FAR2: variants seen among roughly 807,000 people sequenced by gnomAD.
FAR2 encodes epididymis secretory protein Li 81.
FAR2 carries 19 observed loss-of-function variants against 56.0 expected under a neutral mutation model. The ratio of observed to expected loss-of-function variants is 0.34; its 90% CI spans 0.24 to 0.50. The LOEUF (loss-of-function observed/expected upper bound fraction) is 0.50, where lower values mean the gene tolerates loss of function less well. FAR2 is among the 20% of genes least tolerant of loss of function. The probability of loss-of-function intolerance (pLI) is 0.98; values close to 1 mark genes in which losing one functional copy is unlikely to be tolerated. For missense variants in FAR2, 508 were observed against 642.2 expected, an observed-to-expected ratio of 0.79 and a Z score of 2.26; for synonymous variants, 219 against 218.8, an observed-to-expected ratio of 1.00 and a Z score of -0.01.
chr12:29,286,402 A>G (rs1463607829), intron 2 of FAR2, among the ~76,000 whole-genome samples: 3 of 152,140 alleles, frequency 2.0e-5, no homozygotes, highest in African/African-American at 7.2e-5. Flanking sequence ...CCCCTAGGAA[A>G]TTTCTTCCTC....
chr12:29,160,747 C>T (rs922867866), intron 1 of FAR2, among the ~76,000 whole-genome samples: 11 of 152,072 alleles, frequency 7.2e-5, no homozygotes, highest in Admixed American at 3.3e-4. Context: ...CTGTCTTCTC[C>T]TTGTGTCTCA....
chr12:29,210,076 C>T (rs944379705), intron 1 of FAR2, among the ~76,000 whole-genome samples: 6 of 151,950 alleles, frequency 3.9e-5, no homozygotes, highest in Admixed American at 1.3e-4. Flanking sequence ...GGTGTGGTGG[C>T]GTGCACCTGT....
At chr12:29,203,951 G>C (rs1394541175) in intron 1 of FAR2, among the ~76,000 whole-genome samples, 6 of 122,700 alleles carry the variant, frequency 4.9e-5, no homozygotes, top group Non-Finnish European at 6.4e-5. Context: ...AGTGAGCCGA[G>C]ATTGCGCCAC....
chr12:29,313,068 C>T (rs1207453051), intron 8 of FAR2, among the ~76,000 whole-genome samples: 2 of 152,072 alleles, frequency 1.3e-5, no homozygotes, highest in Non-Finnish European at 2.9e-5. Context: ...GAAGATATTA[C>T]TAATTAATCT....
intron 1 of FAR2, among the ~76,000 whole-genome samples, chr12:29,269,198 G>T (rs979614770): frequency 3.9e-5 from 6 of 152,026 alleles, no homozygotes; most frequent in Non-Finnish European, 8.8e-5. Flanking sequence ...TAAAAGACAG[G>T]TGCACCTTGG....
At chr12:29,286,649 C>T (rs1254954671) in intron 2 of FAR2, among the ~76,000 whole-genome samples, 1 of 152,112 alleles carries the variant, frequency 6.6e-6, no homozygotes, top group Non-Finnish European at 1.5e-5. Flanking sequence ...GAAAAGAAAA[C>T]ATAACCAGAT....
At chr12:29,178,748 CA>C (rs1949963962) in intron 1 of FAR2, among the ~76,000 whole-genome samples, 1 of 152,134 alleles carries the variant, frequency 6.6e-6, no homozygotes, top group Non-Finnish European at 1.5e-5. Flanking sequence ...AGAACTTATT[CA>C]AAAAATATCT....
intron 1 of FAR2, chr12:29,223,681 T>A (rs1259954872): frequency 6.6e-6 from 1 of 152,158 alleles, no homozygotes; most frequent in East Asian, 1.9e-4. Flanking sequence ...GCCTTTCAAT[T>A]CAGCTTGGGG....
chr12:29,303,684 A>T (rs962744417), intron 4 of FAR2, among the ~76,000 whole-genome samples: 1 of 152,188 alleles, frequency 6.6e-6, no homozygotes, highest in Non-Finnish European at 1.5e-5. Context: ...CGTGCTATAG[A>T]ACACATTGTT....
chr12:29,234,526 A>G (rs1565482034), intron 1 of FAR2, among the ~76,000 whole-genome samples: 2 of 152,078 alleles, frequency 1.3e-5, no homozygotes, highest in African/African-American at 2.4e-5. Flanking sequence ...ATTACTACAC[A>G]TAGTCTGTTA....
intron 1 of FAR2, among the ~76,000 whole-genome samples, chr12:29,231,623 G>A (rs1332667065): frequency 1.3e-5 from 2 of 152,166 alleles, no homozygotes; most frequent in Admixed American, 6.5e-5. Flanking sequence ...AGAGGGAAAG[G>A]ATAGTTAATC....
At chr12:29,328,414 C>T (rs1412333642) in intron 10 of FAR2, among the ~76,000 whole-genome samples, 1 of 152,032 alleles carries the variant, frequency 6.6e-6, no homozygotes, top group Non-Finnish European at 1.5e-5. Context: ...GGTATATACC[C>T]AAAGGATTAT....
chr12:29,201,544 G>C (rs1239737922), intron 1 of FAR2, among the ~76,000 whole-genome samples: 4 of 152,248 alleles, frequency 2.6e-5, no homozygotes, highest in Admixed American at 2.6e-4. Context: ...CATAAATGGA[G>C]GTCAAGTAAT....
At chr12:29,249,137 G>T (rs1948171108) in intron 1 of FAR2, among the ~76,000 whole-genome samples, 2 of 152,146 alleles carry the variant, frequency 1.3e-5, no homozygotes, top group Non-Finnish European at 2.9e-5. Context: ...GGTATTGATT[G>T]GGGAAGTGAT....
At chr12:29,189,357 A>T (rs900747743) in intron 1 of FAR2, among the ~76,000 whole-genome samples, 1 of 152,166 alleles carries the variant, frequency 6.6e-6, no homozygotes, top group Non-Finnish European at 1.5e-5. Flanking sequence ...GAGCTCTTTC[A>T]GGTTGGCTCC....
intron 1 of FAR2, among the ~76,000 whole-genome samples, chr12:29,189,850 T>A (rs1950085733): frequency 6.6e-6 from 1 of 152,170 alleles, no homozygotes; most frequent in South Asian, 2.1e-4. Flanking sequence ...TGTTGTCATC[T>A]AGGCAAGAGA....
At chr12:29,326,986 T>A (rs1459856459) in intron 10 of FAR2, among the ~76,000 whole-genome samples, 1 of 152,174 alleles carries the variant, frequency 6.6e-6, no homozygotes, top group Non-Finnish European at 1.5e-5. Flanking sequence ...GATGACATGA[T>A]TGTTTATCTA....
At position 29,178,641 on chromosome 12, in the gene FAR2, AC is replaced by A. The variant is rs1421023445; in HGVS notation, c.-39+29235del. Among the ~76,000 whole-genome samples the A allele has an allele frequency of 8.3e-4, 126 of 152,228 alleles. 1 individual carries two copies. Among genetic ancestry groups the A allele is most frequent in the African/African-American group, 2.9e-3 (119 of 41,534 alleles). Reference sequence around the variant, plus strand: ...TTTTTTTTTCAAAAAGGGGCCCAGGACGGGGGACAGCCTTGTTTTTCTAATA... The same window carrying A: ...TTTTTTTTTCAAAAAGGGGCCCAGGAGGGGGACAGCCTTGTTTTTCTAATA... On this transcript the variant is annotated intron_variant, in intron 1 of 11. Transcript: ENST00000536681.
intron 1 of FAR2, among the ~76,000 whole-genome samples, chr12:29,205,929 C>A (rs1282826553): frequency 6.6e-6 from 1 of 151,870 alleles, no homozygotes; most frequent in Middle Eastern, 3.2e-3. Context: ...AAAAACCAAT[C>A]CCTCTACTTT....
Sources: gnomAD v4.1 joint callset for allele counts (sites outside exome capture counted in the v4.1 genomes callset) on GRCh38, gnomAD v4.1.1 for gene constraint, MANE v1.5 for transcripts, NCBI Gene and HGNC (gene_info 2026-07-23, HGNC 2026-07-21) for gene names.